The following RGPD8 variants were observed in gnomAD, a reference collection of about 807,000 sequenced individuals.
The protein encoded by RGPD8 is RANBP2 like and GRIP domain containing 8.
A neutral mutation model predicts 89.1 loss-of-function variants in RGPD8; 15 were observed. That is an observed-to-expected ratio of 0.17 (90% CI 0.11 to 0.26). RGPD8 has a LOEUF of 0.26. RGPD8 is among the 10% of genes least tolerant of loss of function. RGPD8 has a pLI of 1.00. For missense variants in RGPD8, 178 were observed against 1,179.6 expected, an observed-to-expected ratio of 0.15 and a Z score of 12.44; for synonymous variants, 62 against 420.9, an observed-to-expected ratio of 0.15 and a Z score of 10.44.
In RGPD8 at chr2:112,380,650, C is replaced by CAAAAAAAAAAAA. The variant is rs369818204; in HGVS notation, c.5061+162_5061+173dup. Among the ~76,000 whole-genome samples the CAAAAAAAAAAAA allele has an allele frequency of 5.5e-5, 6 of 109,424 alleles. No individual in the cohort carries two copies. In the East Asian group the frequency reaches 7.8e-4, roughly 14 times the overall value. The allele number at this position is 109,424 out of a possible 152,430, so 71.8% of individuals were successfully genotyped here. A position where few individuals can be genotyped will look rare whatever the true frequency, so the allele number is the denominator to read the frequency against. Reference sequence around the variant, plus strand: ...CCTGGGTGACAGAGCAAGACTGTCTCAAAAAAAAAAAAAAAAAAAAAGGCA... The same window carrying CAAAAAAAAAAAA: ...CCTGGGTGACAGAGCAAGACTGTCTCAAAAAAAAAAAAAAAAAAAAAAAAAAAAAAAAAGGCA... On this transcript the variant is annotated intron_variant, in intron 21 of 22. Coordinates refer to ENST00000302558, the MANE Select transcript of RGPD8 (RefSeq NM_001164463.1).
At chr2:112,425,684 G>T (rs564349362) in intron 1 of RGPD8, among the ~76,000 whole-genome samples, 1 of 151,390 alleles carries the variant, frequency 6.6e-6, no homozygotes, top group Non-Finnish European at 1.5e-5. Flanking sequence ...ACTTGAACCC[G>T]GGAGGCAGAG....
intron 22 of RGPD8, among the ~76,000 whole-genome samples, chr2:112,374,810 A>T (rs1573987538): frequency 7.9e-6 from 1 of 127,258 alleles, no homozygotes; most frequent in Non-Finnish European, 1.7e-5. Context: ...TGTTTCTCCC[A>T]TGCTGAATTC....
intron 6 of RGPD8, among the ~76,000 whole-genome samples, chr2:112,416,088 C>CAG (rs1679397409): frequency 1.1e-5 from 1 of 88,914 alleles, no homozygotes; most frequent in African/African-American, 4.7e-5. Context: ...GACTCCATCT[C>CAG]AAAAAAAAAA....
intron 1 of RGPD8, 36 bp downstream of exon 1, chr2:112,433,346 G>C (rs777477773): frequency 2.4e-5 from 38 of 1,592,636 alleles, no homozygotes; most frequent in Non-Finnish European, 3.2e-5. Flanking sequence ...CCGCCCGGCC[G>C]GGTCGAGGCC....
intron 1 of RGPD8, among the ~76,000 whole-genome samples, chr2:112,430,749 C>A (rs1194659884): frequency 1.3e-5 from 2 of 151,742 alleles, no homozygotes; most frequent in African/African-American, 4.8e-5. Context: ...TCACTTGAGC[C>A]CAGGAGTTGG....
At chr2:112,432,789 A>C (rs570529607) in intron 1 of RGPD8, among the ~76,000 whole-genome samples, 40 of 152,184 alleles carry the variant, frequency 2.6e-4, no homozygotes, top group Admixed American at 7.8e-4. Flanking sequence ...AAAGAGGAAG[A>C]GCCGGCGCCA....
intron 7 of RGPD8, among the ~76,000 whole-genome samples, chr2:112,408,887 G>A (rs1264162997): frequency 6.6e-6 from 1 of 151,852 alleles, no homozygotes; most frequent in Non-Finnish European, 1.5e-5. Flanking sequence ...GGTCAGGATG[G>A]TCTCAAACTC....
intron 1 of RGPD8, among the ~76,000 whole-genome samples, chr2:112,428,073 C>G (rs1378220920): frequency 5.3e-5 from 8 of 152,290 alleles, no homozygotes; most frequent in African/African-American, 1.9e-4. Context: ...TCCAGAAAAC[C>G]TTTAAGTTAC....
At chr2:112,427,616 G>A (rs1679825412) in intron 1 of RGPD8, among the ~76,000 whole-genome samples, 1 of 152,002 alleles carries the variant, frequency 6.6e-6, no homozygotes, top group Admixed American at 6.6e-5. Flanking sequence ...CTTAATATTT[G>A]TGGCCTACTT....
At chr2:112,377,680 GAGGA>G (rs1415802711) in intron 22 of RGPD8, among the ~76,000 whole-genome samples, 6 of 93,914 alleles carry the variant, frequency 6.4e-5, no homozygotes, top group Non-Finnish European at 1.2e-4. Flanking sequence ...TTTGGGGTTG[GAGGA>G]AGGAAGAGGC....
chr2:112,432,420 C>G (rs1236061121), intron 1 of RGPD8: 1 of 926,170 alleles, frequency 1.1e-6, no homozygotes, highest in Non-Finnish European at 1.3e-6. Context: ...TGGAGTGGAG[C>G]TGGACCCTTA....
chr2:112,425,811 T>TAC (rs1030383224), intron 1 of RGPD8, among the ~76,000 whole-genome samples: 15 of 150,628 alleles, frequency 1.0e-4, no homozygotes, highest in African/African-American at 3.7e-4. Context: ...ATCCATGTGA[T>TAC]AGAGTATACA....
chr2:112,432,571 G>A (rs996151914), intron 1 of RGPD8: 1 of 985,206 alleles, frequency 1.0e-6, no homozygotes, highest in African/African-American at 1.7e-5. Flanking sequence ...CCGGAGCTGC[G>A]TCAGTCCCCA....
intron 1 of RGPD8, among the ~76,000 whole-genome samples, chr2:112,427,085 G>A (rs1254380862): frequency 4.6e-5 from 7 of 152,010 alleles, no homozygotes; most frequent in African/African-American, 7.2e-5. Context: ...ATCAGCCACC[G>A]AGCCCGGCCA....
At chr2:112,433,117 A>AG (rs1680126527) in intron 1 of RGPD8, among the ~76,000 whole-genome samples, 1 of 99,692 alleles carries the variant, frequency 1.0e-5, no homozygotes, top group Admixed American at 9.8e-5. Context: ...ATGACCCCTG[A>AG]CCCATCGAGG....
chr2:112,426,405 A>G (rs1277180408), intron 1 of RGPD8, among the ~76,000 whole-genome samples: 101 of 150,198 alleles, frequency 6.7e-4, no homozygotes, highest in African/African-American at 2.4e-3. Context: ...GATTTTTATC[A>G]TGTTATTCAG....
intron 6 of RGPD8, among the ~76,000 whole-genome samples, chr2:112,415,302 A>T (rs3979328): frequency 6.7e-6 from 1 of 149,590 alleles, no homozygotes; most frequent in African/African-American, 2.5e-5. Flanking sequence ...GAAGAATGGC[A>T]TGAACCTGGG....
chr2:112,422,493 T>C (rs1319506022), intron 3 of RGPD8, 55 bp downstream of exon 3: 64 of 1,594,160 alleles, frequency 4.0e-5, no homozygotes, highest in Middle Eastern at 2.3e-4. Flanking sequence ...TATAAATTTC[T>C]CTGGGCATCA....
rs186330915 is a variant in RGPD8, at chr2:112,370,196, A to G, written c.5280T>C (p.Pro1760=). The G allele has an allele frequency of 2.1e-3, 3,240 of 1,551,778 alleles. 221 individuals are homozygous for G. Among genetic ancestry groups the G allele is most frequent in the South Asian group, 7.9e-3 (687 of 86,470 alleles). Residue 1760 remains proline, a synonymous_variant, in exon 23 of 23, where the codon CCT becomes CCC. Coordinates refer to ENST00000302558, the MANE Select transcript of RGPD8 (RefSeq NM_001164463.1). ...AAVAQDEEEN[P]SRSSG is the part of the protein sequence containing the mutation. ...AGGATGCTCATCCAGAAGAACGGGA[A>G]GGATTTTCTTCCTCATCTTTAGAAA...
Sources: allele counts gnomAD v4.1 joint callset (sites outside exome capture counted in the v4.1 genomes callset), GRCh38; gene constraint gnomAD v4.1.1; transcripts MANE v1.5; gene names NCBI Gene and HGNC (gene_info 2026-07-23, HGNC 2026-07-21).